ATRX: variants seen among roughly 807,000 people sequenced by gnomAD.
ATRX encodes the protein chromatin remodeler ATRX.
In ATRX, 12 loss-of-function variants were observed where a neutral mutation model predicts 172.6. The observed-to-expected ratio is 0.07, with a 90% CI of 0.04 to 0.11. The LOEUF (loss-of-function observed/expected upper bound fraction) is 0.11, where lower values mean the gene tolerates loss of function less well. ATRX is among the 10% of genes least tolerant of loss of function. The pLI, the probability that ATRX is intolerant of heterozygous loss-of-function variation, is 1.00. For missense variants in ATRX, 1,368 were observed against 1,767.4 expected (o/e 0.77, Z 4.05); for synonymous variants, 674 against 594.7 (o/e 1.13, Z -1.94).
intron 28 of ATRX, among the ~76,000 whole-genome samples, chrX:77,568,424 C>G (rs2065279937): frequency 9.0e-6 from 1 of 111,467 alleles, no homozygotes; most frequent in South Asian, 3.7e-4. Flanking sequence ...ACAACACATT[C>G]AATATAAAAT....
chrX:77,701,950 C>T (rs185000315), intron 2 of ATRX, among the ~76,000 whole-genome samples: 31 of 109,996 alleles, frequency 2.8e-4, no homozygotes, highest in Middle Eastern at 4.8e-3. Flanking sequence ...CCTGTAATCC[C>T]AGCTCCTAGG....
At chrX:77,570,151 A>G (rs945273748) in intron 28 of ATRX, among the ~76,000 whole-genome samples, 1 of 110,904 alleles carries the variant, frequency 9.0e-6, no homozygotes, top group African/African-American at 3.3e-5. Flanking sequence ...TGCAAAACCA[A>G]TTCAGTAAAG....
At chrX:77,761,053 T>C (rs2075698924) in intron 1 of ATRX, among the ~76,000 whole-genome samples, 1 of 111,837 alleles carries the variant, frequency 8.9e-6, no homozygotes, top group Admixed American at 9.6e-5. Context: ...ATTGTGTGTA[T>C]TCAGGGAGTT....
At chrX:77,725,555 G>C (rs1352650951) in intron 1 of ATRX, among the ~76,000 whole-genome samples, 12 of 111,666 alleles carry the variant, frequency 1.1e-4, no homozygotes, top group Admixed American at 2.9e-4. Context: ...TCAGGACATA[G>C]GCATGGGCAA....
At chrX:77,554,987 A>C (rs1364112499) in intron 30 of ATRX, among the ~76,000 whole-genome samples, 1 of 111,847 alleles carries the variant, frequency 8.9e-6, no homozygotes, top group Admixed American at 9.5e-5. Flanking sequence ...CTTATGTTGA[A>C]GTCCAATACA....
chrX:77,754,501 G>A (rs1490794606), intron 1 of ATRX, among the ~76,000 whole-genome samples: 4 of 111,769 alleles, frequency 3.6e-5, no homozygotes, highest in African/African-American at 1.3e-4. Context: ...TGTATTTAGT[G>A]CTTCCTTCGG....
chrX:77,521,521 TTA>T, intron 32 of ATRX, 23 bp from the exon 33 acceptor site: 2 of 1,104,506 alleles, frequency 1.8e-6, no homozygotes, highest in Non-Finnish European at 2.5e-6. Context: ...AAGAAATAAG[TTA>T]TATAAGGCAG....
At chrX:77,752,158 A>T (rs1258486809) in intron 1 of ATRX, among the ~76,000 whole-genome samples, 1 of 111,806 alleles carries the variant, frequency 8.9e-6, no homozygotes, top group Non-Finnish European at 1.9e-5. Context: ...TATTTCCTCA[A>T]GCAGTGGTTT....
rs1365412434 is a variant in ATRX, at chrX:77,588,645, T to A, written c.6217+1189A>T. 2.7e-5 allele frequency among the ~76,000 whole-genome samples: 3 copies of A among 109,152 alleles called. No individual in the cohort carries two copies. The Admixed American group carries it at 3.0e-4, about 11-fold the overall frequency. The allele number at this position is 109,152 out of a possible 115,157, so 94.8% of individuals were successfully genotyped here. A position where few individuals can be genotyped will look rare whatever the true frequency, so the allele number is the denominator to read the frequency against. ...AATAAATAAAAGAAAGTGATACAGA[T>A]CACCGGAACTATTTTTTTTTTAATG... On this transcript the variant is annotated intron_variant, in intron 27 of 34. Coordinates refer to ENST00000373344, the MANE Select transcript of ATRX (RefSeq NM_000489.6).
chrX:77,650,366 T>C (rs1028182603), intron 15 of ATRX, among the ~76,000 whole-genome samples: 7 of 111,755 alleles, frequency 6.3e-5, no homozygotes, highest in Admixed American at 9.5e-5. Flanking sequence ...ATACGAAATA[T>C]AGAAGCCAGT....
rs45536038 is a variant in ATRX at position 77,680,429 on chromosome X, A to C, written c.3736+1091T>G. Among the ~76,000 whole-genome samples, 8 of 112,187 alleles carry C rather than the reference A, an allele frequency of 7.1e-5. No homozygotes were observed. In the East Asian group the frequency reaches 2.2e-3, roughly 31 times the overall value. Reference sequence around the variant, plus strand: ...AAAACAAGATTTTGCTGGGCACAGTAGCTCATGCCTGTAATTCCAACACTT... The same window carrying C: ...AAAACAAGATTTTGCTGGGCACAGTCGCTCATGCCTGTAATTCCAACACTT... On this transcript the variant is annotated intron_variant, in intron 9 of 34. Transcript: ENST00000373344.
rs2062740172 is a variant in ATRX, at chrX:77,507,681, A to G, written c.*670T>C. On this transcript the variant is annotated 3_prime_UTR_variant, in exon 35 of 35. Transcript: ENST00000373344. ...AAGAAGAAAAAGGAATTCTCTTCTT[A>G]GGCTATACTTAAGGCTGTTTATACA... 1 of 174,408 alleles carries G rather than the reference A, an allele frequency of 5.7e-6. No homozygotes were observed. Among genetic ancestry groups the G allele is most frequent in the Non-Finnish European group, 1.1e-5 (1 of 91,297 alleles). The allele number at this position is 174,408 out of a possible 1,213,427, so 14.4% of individuals were successfully genotyped here.
intron 30 of ATRX, among the ~76,000 whole-genome samples, chrX:77,548,250 A>C (rs1292224562): frequency 1.8e-5 from 2 of 111,914 alleles, no homozygotes; most frequent in Non-Finnish European, 3.8e-5. Context: ...TGTAATCTGC[A>C]AAGAAATGGT....
intron 9 of ATRX, among the ~76,000 whole-genome samples, chrX:77,676,539 G>C (rs1172714274): frequency 8.9e-6 from 1 of 111,756 alleles, no homozygotes; most frequent in Non-Finnish European, 1.9e-5. Context: ...CAGGGCACAA[G>C]GCTTTTAAAG....
At chrX:77,626,482 G>A (rs1403920670) in intron 19 of ATRX, among the ~76,000 whole-genome samples, 2 of 111,354 alleles carry the variant, frequency 1.8e-5, no homozygotes, top group Non-Finnish European at 3.8e-5. Context: ...TGCAAACCTT[G>A]AAAGATATGA....
chrX:77,739,185 T>C (rs2074741829), intron 1 of ATRX, among the ~76,000 whole-genome samples: 1 of 110,698 alleles, frequency 9.0e-6, no homozygotes, highest in East Asian at 2.8e-4. Flanking sequence ...GTCATTCTTA[T>C]GCCTTTGCAT....
intron 1 of ATRX, among the ~76,000 whole-genome samples, chrX:77,746,850 G>A: frequency 9.0e-6 from 1 of 111,172 alleles, no homozygotes; most frequent in Non-Finnish European, 1.9e-5. Context: ...CCAGGCTGGA[G>A]TTGCAGTGGC....
At chrX:77,618,455 T>C (rs1257887335) in intron 21 of ATRX, among the ~76,000 whole-genome samples, 1 of 112,020 alleles carries the variant, frequency 8.9e-6, no homozygotes, top group Non-Finnish European at 1.9e-5. Flanking sequence ...AGATTTATAA[T>C]ACTGTACTAC....
chrX:77,720,392 G>A (rs1011853743), intron 1 of ATRX, among the ~76,000 whole-genome samples: 5 of 111,353 alleles, frequency 4.5e-5, no homozygotes, highest in Non-Finnish European at 9.4e-5. Context: ...AATTCAGGAG[G>A]TGTTTTTTTG....
Sources: gnomAD v4.1 joint callset for allele counts (sites outside exome capture counted in the v4.1 genomes callset) on GRCh38, gnomAD v4.1.1 for gene constraint, MANE v1.5 for transcripts, NCBI Gene and HGNC (gene_info 2026-07-23, HGNC 2026-07-21) for gene names.